TRMT10B: variants seen among roughly 807,000 people sequenced by gnomAD.
The protein encoded by TRMT10B is tRNA methyltransferase 10 homolog B.
Under a neutral mutation model 43.8 loss-of-function variants are expected in TRMT10B, and 33 were observed. The observed-to-expected ratio is 0.75, with a 90% CI of 0.57 to 1.01. The LOEUF (loss-of-function observed/expected upper bound fraction) is 1.01. Among genes scored for constraint, TRMT10B ranks in the 50% least tolerant of loss-of-function variants. The pLI is 0.00. For missense variants in TRMT10B, 362 were observed against 369.8 expected (o/e 0.98, Z 0.17); for synonymous variants, 137 against 130.6 (o/e 1.05, Z -0.34).
In TRMT10B at chr9:37,762,523, CT is replaced by C. The variant is rs753715906; in HGVS notation, c.187-48del. ...GCAAATGTTTCTAATGTTCATTTTC[CT>C]TTTTTGGTGCTTATGAAGTTCTCAA... On this transcript the variant is annotated intron_variant, in intron 2 of 8. Transcript: ENST00000297994. 9 of 1,521,616 alleles carry C rather than the reference CT, an allele frequency of 5.9e-6. No homozygotes were observed. In the African/African-American group the frequency reaches 7.0e-5, roughly 12 times the overall value. 94.3% of individuals were successfully genotyped at this position (1,521,616 alleles called of 1,614,324 possible).
Position 37,777,801 on chromosome 9 carries a change from T to A in TRMT10B, c.*94T>A. 3 of 983,102 alleles carry A rather than the reference T, an allele frequency of 3.1e-6. No homozygotes were observed. The highest frequency in any genetic ancestry group is 2.8e-5 in the South Asian group (2 of 72,674). 60.9% of individuals were successfully genotyped at this position (983,102 alleles called of 1,614,324 possible). A position where few individuals can be genotyped will look rare whatever the true frequency, so the allele number is the denominator to read the frequency against. ...TGGGCAGATCACCTGAGGTCAGGAG[T>A]TCACGACCAGCCTGGCCAACATGGT... On this transcript the variant is annotated 3_prime_UTR_variant, in exon 9 of 9. Transcript: ENST00000297994.
intron 3 of TRMT10B, among the ~76,000 whole-genome samples, chr9:37,763,396 G>C (rs1038319775): frequency 1.3e-5 from 2 of 152,084 alleles, no homozygotes; most frequent in Non-Finnish European, 2.9e-5. Context: ...ACATAATTAT[G>C]CCCAAGATAA....
intron 7 of TRMT10B, among the ~76,000 whole-genome samples, chr9:37,771,095 T>G (rs1412284974): frequency 6.6e-6 from 1 of 152,224 alleles, no homozygotes; most frequent in Non-Finnish European, 1.5e-5. Flanking sequence ...CTAAGGTTGA[T>G]CTCTCTGCTG....
At chr9:37,752,938 C>G (rs539297516), upstream of TRMT10B, among the ~76,000 whole-genome samples, 4 of 152,206 alleles carry the variant, frequency 2.6e-5, no homozygotes, top group South Asian at 4.2e-4. Context: ...ACTGTGGGTG[C>G]TTTGTTCTTT....
chr9:37,777,493 A>G (rs745720749), intron 8 of TRMT10B, 108 bp from the exon 9 acceptor site: 18 of 887,436 alleles, frequency 2.0e-5, no homozygotes, highest in Non-Finnish European at 3.2e-5. Context: ...AGTACCACAT[A>G]TGGTGCAGAA....
chr9:37,770,757 C>T lies in TRMT10B; in HGVS notation c.720+18C>T, dbSNP rs138432239. The T allele has an allele frequency of 2.9e-3, 4,681 of 1,612,476 alleles. 24 individuals are homozygous for T. The highest frequency in any genetic ancestry group is 7.0e-3 in the Admixed American group (419 of 59,814). ...TTCAGAAGGTAAGTATACATTTCAG[C>T]CCCAACATCTGTTTTAAAAAGCAGT... On this transcript the variant is annotated intron_variant, in intron 7 of 8. Coordinates refer to ENST00000297994, the MANE Select transcript of TRMT10B (RefSeq NM_144964.4).
chr9:37,757,190 C>A (rs1825821729), intron 1 of TRMT10B, among the ~76,000 whole-genome samples: 1 of 152,126 alleles, frequency 6.6e-6, no homozygotes, highest in Admixed American at 6.5e-5. Flanking sequence ...TTCAAGCGAT[C>A]TTCTGGCTTC....
At chr9:37,776,197 GCTA>G (rs1248539321) in intron 7 of TRMT10B, 82 bp from the exon 8 acceptor site, 6 of 1,126,700 alleles carry the variant, frequency 5.3e-6, no homozygotes, top group African/African-American at 1.6e-5. Context: ...TCCACAATAG[GCTA>G]CTTATTTTTA....
At chr9:37,767,494 C>T (rs1827093579) in intron 4 of TRMT10B, 1 of 76,410 alleles carries the variant, frequency 1.3e-5, no homozygotes, top group African/African-American at 5.9e-5. Context: ...GCCTGGGTAA[C>T]ACAGCCAGAC....
rs1356808656 is a variant in TRMT10B, at chr9:37,778,704, T to C, written c.*997T>C. On this transcript the variant is annotated 3_prime_UTR_variant, in exon 9 of 9. Transcript: ENST00000297994. ...TCCAGCCTTGTCTGATCATGCTCGT[T>C]GTTGCCCAGCTCAGTAATAAGCTTT... 6.6e-6 allele frequency: 1 copy of C among 152,230 alleles called. No homozygotes were observed. The highest frequency in any genetic ancestry group is 6.5e-5 in the Admixed American group (1 of 15,282). The allele number at this position is 152,230 out of a possible 1,614,324, so 9.4% of individuals were successfully genotyped here.
Position 37,771,102 on chromosome 9 carries a change from G to A in TRMT10B, c.720+363G>A, listed in dbSNP as rs190777302. 3.9e-5 allele frequency among the ~76,000 whole-genome samples: 6 copies of A among 152,284 alleles called. No homozygotes were observed. In the East Asian group the frequency reaches 5.8e-4, roughly 15 times the overall value. Reference sequence around the variant, plus strand: ...TGCTCCTTCTAAGGTTGATCTCTCTGCTGAAATAGTCTTAGCCCAAAACCT... The same window carrying A: ...TGCTCCTTCTAAGGTTGATCTCTCTACTGAAATAGTCTTAGCCCAAAACCT... On this transcript the variant is annotated intron_variant, in intron 7 of 8. Transcript: ENST00000297994.
intron 8 of TRMT10B, among the ~76,000 whole-genome samples, chr9:37,776,765 G>A (rs1429727691): frequency 6.6e-6 from 1 of 151,824 alleles, no homozygotes; most frequent in African/African-American, 2.4e-5. Context: ...CAGGCGTGGT[G>A]GTGCACGCCT....
At chr9:37,775,134 A>G (rs1828003023) in intron 7 of TRMT10B, among the ~76,000 whole-genome samples, 2 of 152,352 alleles carry the variant, frequency 1.3e-5, no homozygotes, top group East Asian at 3.9e-4. Context: ...AGCTGGTACT[A>G]TCAAAACTGG....
chr9:37,760,730 TGTA>T (rs1195594719), intron 1 of TRMT10B, among the ~76,000 whole-genome samples: 2 of 152,194 alleles, frequency 1.3e-5, no homozygotes, highest in Admixed American at 6.5e-5. Context: ...TACTTTTCAT[TGTA>T]GTTTTTTTTT....
In TRMT10B at chr9:37,777,899, G is replaced by A; in HGVS notation, c.*192G>A. The A allele has an allele frequency of 2.2e-6, 1 of 447,404 alleles. No homozygotes were observed. 27.7% of individuals were successfully genotyped at this position (447,404 alleles called of 1,614,324 possible). ...GCATACCTGTAGTCCCAGCTACTTG[G>A]GAGGCTGAGGCAGGAGAATCACTTG... On this transcript the variant is annotated 3_prime_UTR_variant, in exon 9 of 9. Transcript: ENST00000297994.
chr9:37,773,046 A>T (rs1459314043), intron 7 of TRMT10B, among the ~76,000 whole-genome samples: 1 of 152,210 alleles, frequency 6.6e-6, no homozygotes, highest in Admixed American at 6.5e-5. Flanking sequence ...TTGTTCTTAG[A>T]TGCATGCTTA....
rs200585838 is a variant in TRMT10B, at chr9:37,769,614, C to CG, written c.574-323dup. On this transcript the variant is annotated intron_variant, in intron 5 of 8. Transcript: ENST00000297994. ...CAGTAACTAGTCGTTGAATTTTGAG[C>CG]GGGGTTTTTTTTTTTTTTTTAAAGA... is the stretch of plus-strand genomic sequence containing the variant. 128 of 240,710 alleles carry CG rather than the reference C, an allele frequency of 5.3e-4. No individual in the cohort carries two copies. In the East Asian group the frequency reaches 7.8e-3, roughly 15 times the overall value. 14.9% of individuals were successfully genotyped at this position (240,710 alleles called of 1,614,324 possible). A position where few individuals can be genotyped will look rare whatever the true frequency, so the allele number is the denominator to read the frequency against.
At chr9:37,777,194 C>CAAAAAAAAA (rs11306620) in intron 8 of TRMT10B, among the ~76,000 whole-genome samples, 8 of 29,980 alleles carry the variant, frequency 2.7e-4, no homozygotes, top group African/African-American at 7.0e-4. Context: ...AACTCCGCCT[C>CAAAAAAAAA]AAAAAAAAAA....
At chr9:37,763,155 A>AAAAC (rs1554676652) in intron 3 of TRMT10B, among the ~76,000 whole-genome samples, 23 of 147,166 alleles carry the variant, frequency 1.6e-4, no homozygotes, top group African/African-American at 5.5e-4. Context: ...AAAAAAAAAA[A>AAAAC]AAAAAAAAAA....
Sources: gnomAD v4.1 joint callset for allele counts (sites outside exome capture counted in the v4.1 genomes callset) on GRCh38, gnomAD v4.1.1 for gene constraint, MANE v1.5 for transcripts, NCBI Gene and HGNC (gene_info 2026-07-23, HGNC 2026-07-21) for gene names.